The following HSPA12B variants were observed in gnomAD, a reference collection of about 807,000 sequenced individuals.
HSPA12B encodes heat shock 70 kDa protein 12B.
In HSPA12B, 54 loss-of-function variants were observed where a neutral mutation model predicts 69.3. The ratio of observed to expected loss-of-function variants is 0.78; its 90% confidence interval spans 0.63 to 0.98. The LOEUF is 0.98. Ranked by LOEUF, HSPA12B falls within the 50% of genes least tolerant of loss-of-function variation. HSPA12B has a pLI of 0.00. For missense variants in HSPA12B, 929 were observed against 999.8 expected, an observed-to-expected ratio of 0.93 and a Z score of 0.96; for synonymous variants, 441 against 436.5, an observed-to-expected ratio of 1.01 and a Z score of -0.13.
chr20:3,749,915 C>A lies in HSPA12B; in HGVS notation c.1043-54C>A, dbSNP rs1024427562. On this transcript the variant is annotated intron_variant, in intron 10 of 12. Coordinates refer to ENST00000254963, the MANE Select transcript of HSPA12B (RefSeq NM_052970.5). This position sits in a 1 kb window ranked among gnomAD's most constrained non-coding sequence, Gnocchi z 5.5. ...ACCCGGGCTCCGGCCCCGCCACTGC[C>A]CCCTGGCGGCCCGGCGAGCGCTGAC... The A allele has an allele frequency of 3.2e-6, 5 of 1,550,194 alleles. No homozygotes were observed. In the Admixed American group the frequency reaches 9.9e-5, roughly 31 times the overall value.
rs1170190386 is a variant in HSPA12B at position 3,752,286 on chromosome 20, C to T, written c.*120C>T. On this transcript the variant is annotated 3_prime_UTR_variant, in exon 13 of 13. Coordinates refer to ENST00000254963, the MANE Select transcript of HSPA12B (RefSeq NM_052970.5). Reference sequence around the variant, plus strand: ...TTCTGCAGTCTGCGCCTTTCCACGCCCTCCAGCCCCGGGGGAGATAAGGTC... The same window carrying T: ...TTCTGCAGTCTGCGCCTTTCCACGCTCTCCAGCCCCGGGGGAGATAAGGTC... The T allele has an allele frequency of 2.0e-6, 2 of 978,858 alleles. No homozygotes were observed. Among genetic ancestry groups the T allele is most frequent in the African/African-American group, 3.5e-5 (2 of 57,594 alleles). The allele number at this position is 978,858 out of a possible 1,614,324, so 60.6% of individuals were successfully genotyped here.
rs1173865976 is a variant in HSPA12B at position 3,749,180 on chromosome 20, T to C, written c.851-52T>C. On this transcript the variant is annotated intron_variant, in intron 8 of 12. Coordinates refer to ENST00000254963, the MANE Select transcript of HSPA12B (RefSeq NM_052970.5). This position sits in a 1 kb window ranked among gnomAD's most constrained non-coding sequence, Gnocchi z 5.5. ...GCAGGAGGATGGGAGTTGAACGCCA[T>C]AGCTGGAGCACCTCCTTCTAATCTC... is the stretch of plus-strand genomic sequence containing the variant. 25 of 1,529,612 alleles carry C rather than the reference T, an allele frequency of 1.6e-5. No individual in the cohort carries two copies. The highest frequency in any genetic ancestry group is 1.2e-5 in the South Asian group (1 of 86,044). 94.8% of individuals were successfully genotyped at this position (1,529,612 alleles called of 1,614,324 possible).
Position 3,749,342 on chromosome 20 carries a change from G to A in HSPA12B, c.937+24G>A. 3 of 1,600,208 alleles carry A rather than the reference G, an allele frequency of 1.9e-6. No homozygotes were observed. The highest frequency in any genetic ancestry group is 2.6e-6 in the Non-Finnish European group (3 of 1,169,746). On this transcript the variant is annotated intron_variant, in intron 9 of 12. Transcript: ENST00000254963. This position sits in a 1 kb window ranked among gnomAD's most constrained non-coding sequence, Gnocchi z 5.5. ...AGGTAGGGGGAAAGGGGGACGGAGT[G>A]TTATCCTTGGCCCCTACCGGGCACC...
In HSPA12B at chr20:3,745,432, G is replaced by T; in HGVS notation, c.454-61G>T. 1 of 1,190,500 alleles carries T rather than the reference G, an allele frequency of 8.4e-7. No individual in the cohort carries two copies. 73.7% of individuals were successfully genotyped at this position (1,190,500 alleles called of 1,614,324 possible). A position where few individuals can be genotyped will look rare whatever the true frequency, so the allele number is the denominator to read the frequency against. ...GAAACGGGGTGATTTTAAGAGCGAGGTCGTCAGGAAATGAGTGCCAAGCTG... is the reference window on the plus strand; with the variant it reads ...GAAACGGGGTGATTTTAAGAGCGAGTTCGTCAGGAAATGAGTGCCAAGCTG... On this transcript the variant is annotated intron_variant, in intron 5 of 12. Coordinates refer to ENST00000254963, the MANE Select transcript of HSPA12B (RefSeq NM_052970.5). This position sits in a 1 kb window ranked among gnomAD's most constrained non-coding sequence, Gnocchi z 5.6.
At chr20:3,742,826 T>C (rs1330538273) in intron 4 of HSPA12B, among the ~76,000 whole-genome samples, 1 of 152,008 alleles carries the variant, frequency 6.6e-6, no homozygotes, top group Non-Finnish European at 1.5e-5. Context: ...GCCTCCCAAG[T>C]AGCTGGGAAT....
chr20:3,742,859 G>A (rs753947073), intron 4 of HSPA12B, among the ~76,000 whole-genome samples: 2 of 150,468 alleles, frequency 1.3e-5, no homozygotes, highest in Non-Finnish European at 3.0e-5. Flanking sequence ...CACTATGCCT[G>A]GCTAACTTTT....
intron 3 of HSPA12B, 32 bp from the exon 4 acceptor site, chr20:3,742,252 C>A: frequency 1.2e-6 from 2 of 1,608,798 alleles, no homozygotes; most frequent in Non-Finnish European, 1.7e-6. Context: ...TCCCTGCTGG[C>A]TGCTTGCTAA....
chr20:3,739,273 A>G (rs926435950), intron 2 of HSPA12B, among the ~76,000 whole-genome samples: 2 of 149,530 alleles, frequency 1.3e-5, no homozygotes, highest in African/African-American at 5.0e-5. Context: ...TGTGCACAGG[A>G]CCCCGTGTGA....
At chr20:3,748,114 G>T in intron 7 of HSPA12B, 103 bp from the exon 8 acceptor site, 1 of 1,029,768 alleles carries the variant, frequency 9.7e-7, no homozygotes. Flanking sequence ...TGTGATGGAG[G>T]AGGAGGTGGG....
Position 3,745,429 on chromosome 20 carries a change from G to A in HSPA12B, c.454-64G>A. The A allele has an allele frequency of 8.7e-7, 1 of 1,153,886 alleles. No individual in the cohort carries two copies. Among genetic ancestry groups the A allele is most frequent in the Non-Finnish European group, 1.3e-6 (1 of 761,128 alleles). The allele number at this position is 1,153,886 out of a possible 1,614,324, so 71.5% of individuals were successfully genotyped here. On this transcript the variant is annotated intron_variant, in intron 5 of 12. Transcript: ENST00000254963. The surrounding 1 kb of genome is among the most constrained non-coding windows in gnomAD (Gnocchi z 5.6). ...CAGGAAACGGGGTGATTTTAAGAGC[G>A]AGGTCGTCAGGAAATGAGTGCCAAG...
chr20:3,741,805 C>T (rs982563788), intron 3 of HSPA12B, among the ~76,000 whole-genome samples: 3 of 152,210 alleles, frequency 2.0e-5, no homozygotes, highest in African/African-American at 4.8e-5. Flanking sequence ...TCTCTGGGGA[C>T]ATGCACGTGC....
chr20:3,750,355 AGGGCGTCGGGGTG>A, intron 11 of HSPA12B, 128 bp downstream of exon 11: 2 of 1,059,730 alleles, frequency 1.9e-6, no homozygotes, highest in Non-Finnish European at 2.6e-6. Flanking sequence ...CTAAGCCAGC[AGGGCGTCGGGGTG>A]GGGCGGCGGG....
At chr20:3,742,569 G>A (rs187222444) in intron 4 of HSPA12B, among the ~76,000 whole-genome samples, 161 bp downstream of exon 4, 1 of 152,294 alleles carries the variant, frequency 6.6e-6, no homozygotes, top group Non-Finnish European at 1.5e-5. Context: ...ATGGGCCCCA[G>A]GCCTGGGTCC....
intron 1 of HSPA12B, among the ~76,000 whole-genome samples, chr20:3,736,708 G>A (rs2088113596): frequency 6.6e-6 from 1 of 152,198 alleles, no homozygotes; most frequent in Admixed American, 6.5e-5. Context: ...ACTTCAATGT[G>A]CACCTGAATC....
intron 2 of HSPA12B, among the ~76,000 whole-genome samples, chr20:3,739,715 C>A (rs1354328509): frequency 6.6e-6 from 1 of 152,204 alleles, no homozygotes; most frequent in Non-Finnish European, 1.5e-5. Context: ...TGGCCCTTCG[C>A]CTGTGTTCCC....
chr20:3,749,959 T>C lies in HSPA12B; in HGVS notation c.1043-10T>C, dbSNP rs761981511. On this transcript the variant is annotated splice_polypyrimidine_tract_variant and intron_variant, in intron 10 of 12. Transcript: ENST00000254963. This position sits in a 1 kb window ranked among gnomAD's most constrained non-coding sequence, Gnocchi z 5.5. ...CGCTGACGCCCTCTTCGCCCCCTGC[T>C]CCACCCCAGGGGGCCCTTATGGCGC... 12 of 1,556,180 alleles carry C rather than the reference T, an allele frequency of 7.7e-6. No individual in the cohort carries two copies. The highest frequency in any genetic ancestry group is 1.0e-5 in the Non-Finnish European group (12 of 1,148,266).
At position 3,749,397 on chromosome 20, in the gene HSPA12B, C is replaced by T. The variant is rs2088367810; in HGVS notation, c.937+79C>T. On this transcript the variant is annotated intron_variant, in intron 9 of 12. Coordinates refer to ENST00000254963, the MANE Select transcript of HSPA12B (RefSeq NM_052970.5). This position sits in a 1 kb window ranked among gnomAD's most constrained non-coding sequence, Gnocchi z 5.5. ...ACTGATGGGGGGAAGGGCATGTTTG[C>T]AAAGCCCGTCTCTTCCTCCTCCATT... The T allele has an allele frequency of 3.9e-6, 5 of 1,282,110 alleles. No homozygotes were observed. Among genetic ancestry groups the T allele is most frequent in the Non-Finnish European group, 5.5e-6 (5 of 903,910 alleles). 79.4% of individuals were successfully genotyped at this position (1,282,110 alleles called of 1,614,324 possible).
At position 3,750,068 on chromosome 20, in the gene HSPA12B, C is replaced by T. The variant is rs773362896; in HGVS notation, c.1142C>T (p.Pro381Leu). ...ATCGCCACCTTCAAAAGGCAACGGCCGGCAGCCTGGGTAGATCTGACCATC... is the reference window on the plus strand; with the variant it reads ...ATCGCCACCTTCAAAAGGCAACGGCTGGCAGCCTGGGTAGATCTGACCATC... ...DFIATFKRQR[P>L]AAWVDLTIAF... is the part of the protein sequence containing the mutation. The change falls in exon 11 of 13, where the codon CCG becomes CTG. Residue 381 changes from proline to leucine, a missense_variant. Transcript: ENST00000254963. 3 of 1,611,412 alleles carry T rather than the reference C, an allele frequency of 1.9e-6. No individual in the cohort carries two copies. Among genetic ancestry groups the T allele is most frequent in the South Asian group, 2.2e-5 (2 of 90,828 alleles).
At chr20:3,739,564 G>A (rs1242205670) in intron 2 of HSPA12B, among the ~76,000 whole-genome samples, 1 of 152,220 alleles carries the variant, frequency 6.6e-6, no homozygotes, top group African/African-American at 2.4e-5. Context: ...GGCCTCTCGG[G>A]CTGCAGCTGG....
Sources: allele counts gnomAD v4.1 joint callset (sites outside exome capture counted in the v4.1 genomes callset), GRCh38; gene constraint gnomAD v4.1.1; non-coding constraint Gnocchi (gnomAD v3.1); transcripts MANE v1.5; gene names NCBI Gene and HGNC (gene_info 2026-07-23, HGNC 2026-07-21).